The following ABHD2 variants were observed in gnomAD, a reference collection of about 807,000 sequenced individuals.
ABHD2 encodes monoacylglycerol lipase ABHD2.
A neutral mutation model predicts 48.1 loss-of-function variants in ABHD2; 20 were observed. That is an observed-to-expected ratio of 0.42 (90% CI 0.29 to 0.60). The LOEUF is 0.60. Ranked by LOEUF, ABHD2 falls within the 20% of genes least tolerant of loss-of-function variation. The pLI is 0.24. For synonymous variants in ABHD2, 209 were observed against 214.2 expected, an observed-to-expected ratio of 0.98 and a Z score of 0.21; for missense variants, 405 against 550.9, an observed-to-expected ratio of 0.74 and a Z score of 2.65.
In ABHD2 at chr15:89,188,405, A is replaced by G. The variant is rs113671610; in HGVS notation, c.926+102A>G. ...CACTAGTGTTTGCTCTGCCTACTTG[A>G]GTGTTAAGGGTGTTTTTTTCCCTTT... On this transcript the variant is annotated intron_variant, in intron 8 of 10. Coordinates refer to ENST00000352732, the MANE Select transcript of ABHD2 (RefSeq NM_152924.5). This position sits in a 1 kb window ranked among gnomAD's most constrained non-coding sequence, Gnocchi z 4.1. 1.0e-6 allele frequency: 1 copy of G among 979,220 alleles called. No individual in the cohort carries two copies. Among genetic ancestry groups the G allele is most frequent in the Non-Finnish European group, 1.6e-6 (1 of 640,602 alleles). The allele number at this position is 979,220 out of a possible 1,614,324, so 60.7% of individuals were successfully genotyped here. A position where few individuals can be genotyped will look rare whatever the true frequency, so the allele number is the denominator to read the frequency against.
In ABHD2 at chr15:89,183,368, C is replaced by CAAAAAAAA. The variant is rs1233981139; in HGVS notation, c.723-2046_723-2039dup. On this transcript the variant is annotated intron_variant, in intron 6 of 10. Coordinates refer to ENST00000352732, the MANE Select transcript of ABHD2 (RefSeq NM_152924.5). ...TGGTATTGAAGACATCAGTCCTTTT[C>CAAAAAAAA]AAAAAAAAAAAAAAAAATATATATA... 2.4e-3 allele frequency: 151 copies of CAAAAAAAA among 61,850 alleles called. 4 individuals carry two copies. Among genetic ancestry groups the CAAAAAAAA allele is most frequent in the Middle Eastern group, 0.012 (1 of 84 alleles). 3.8% of individuals were successfully genotyped at this position (61,850 alleles called of 1,614,324 possible).
At chr15:89,118,185 T>A (rs1255891290) in intron 3 of ABHD2, among the ~76,000 whole-genome samples, 2 of 152,102 alleles carry the variant, frequency 1.3e-5, no homozygotes, top group East Asian at 3.9e-4. Context: ...GTTTCTTTTT[T>A]TCTTTCTTTT....
chr15:89,048,119 G>A, the ABHD2 span, among the ~76,000 whole-genome samples: 3 of 150,678 alleles, frequency 2.0e-5, no homozygotes, highest in African/African-American at 7.4e-5. Flanking sequence ...CTCAGCATTT[G>A]CTTGTCTGTA....
At chr15:89,152,077 G>GTT (rs34458230) in intron 4 of ABHD2, among the ~76,000 whole-genome samples, 16 of 139,928 alleles carry the variant, frequency 1.1e-4, no homozygotes, top group South Asian at 2.3e-4. Context: ...TTGTAGAATA[G>GTT]TTTTTTTTTT....
chr15:89,172,415 C>T (rs1037628487), intron 5 of ABHD2, among the ~76,000 whole-genome samples: 2 of 152,222 alleles, frequency 1.3e-5, no homozygotes, highest in Non-Finnish European at 2.9e-5. Flanking sequence ...AGCATAATGT[C>T]CTCAAGGTTC....
chr15:89,042,618 A>G, the ABHD2 span, among the ~76,000 whole-genome samples: 9 of 86,236 alleles, frequency 1.0e-4, no homozygotes, highest in Non-Finnish European at 2.0e-4. Flanking sequence ...TTATTTATTT[A>G]TTTATTTATT....
At position 89,182,375 on chromosome 15, in the gene ABHD2, T is replaced by G. The variant is rs1248566551; in HGVS notation, c.723-3049T>G. 6.6e-6 allele frequency among the ~76,000 whole-genome samples: 1 copy of G among 152,164 alleles called. No homozygotes were observed. Among genetic ancestry groups the G allele is most frequent in the African/African-American group, 2.4e-5 (1 of 41,436 alleles). ...CCCCTCCCAGGGTTCCACACTTCTC[T>G]CCTGTGTCCTCAGCCAGTTTATCCT... is the stretch of plus-strand genomic sequence containing the variant. On this transcript the variant is annotated intron_variant, in intron 6 of 10. Transcript: ENST00000352732. This position sits in a 1 kb window ranked among gnomAD's most constrained non-coding sequence, Gnocchi z 4.8.
At chr15:89,126,460 G>T (rs1206948089) in intron 3 of ABHD2, among the ~76,000 whole-genome samples, 1 of 152,098 alleles carries the variant, frequency 6.6e-6, no homozygotes, top group African/African-American at 2.4e-5. Flanking sequence ...AGAAAGTCTC[G>T]AATTTCTAAG....
the ABHD2 span, among the ~76,000 whole-genome samples, chr15:89,048,479 A>G: frequency 3.9e-5 from 6 of 151,998 alleles, no homozygotes; most frequent in African/African-American, 1.4e-4. Context: ...CCTGGATAAT[A>G]TCCTGCAGAG....
the ABHD2 span, among the ~76,000 whole-genome samples, chr15:89,063,004 G>A: frequency 7.5e-6 from 1 of 132,870 alleles, no homozygotes; most frequent in Admixed American, 8.4e-5. Context: ...GTCTCACTCT[G>A]TCACCCAGTC....
chr15:89,076,739 C>G, the ABHD2 span, among the ~76,000 whole-genome samples: 1 of 152,230 alleles, frequency 6.6e-6, no homozygotes, highest in African/African-American at 2.4e-5. Flanking sequence ...TTGCCCCAGC[C>G]TTCCAAAGTG....
At chr15:89,055,035 C>T in the ABHD2 span, among the ~76,000 whole-genome samples, 3 of 151,852 alleles carry the variant, frequency 2.0e-5, no homozygotes, top group East Asian at 3.9e-4. Context: ...AGACCAGCCT[C>T]GGCAACCTAG....
the ABHD2 span, among the ~76,000 whole-genome samples, chr15:89,080,870 T>C: frequency 6.6e-6 from 1 of 152,030 alleles, no homozygotes; most frequent in Non-Finnish European, 1.5e-5. Flanking sequence ...CAAATTTTAC[T>C]CTTCTAGGCA....
the ABHD2 span, among the ~76,000 whole-genome samples, chr15:89,049,622 G>A: frequency 2.0e-5 from 3 of 152,210 alleles, no homozygotes; most frequent in African/African-American, 7.2e-5. Context: ...TCGGAAAAGC[G>A]CAGTATTCAG....
chr15:89,129,551 A>G (rs555941303), intron 3 of ABHD2, among the ~76,000 whole-genome samples: 1 of 152,168 alleles, frequency 6.6e-6, no homozygotes, highest in Non-Finnish European at 1.5e-5. Context: ...GAGAAAGCCA[A>G]ATTGATTGAA....
chr15:89,044,990 C>A, the ABHD2 span, among the ~76,000 whole-genome samples: 3 of 151,596 alleles, frequency 2.0e-5, no homozygotes, highest in South Asian at 2.1e-4. Flanking sequence ...ATGCCTATGT[C>A]CTGAATGGTA....
At position 89,165,468 on chromosome 15, in the gene ABHD2, T is replaced by C. The variant is rs80108901; in HGVS notation, c.538+9934T>C. Among the ~76,000 whole-genome samples the C allele has an allele frequency of 2.5e-3, 379 of 152,240 alleles. 1 individual carries two copies. The highest frequency in any genetic ancestry group is 8.7e-3 in the African/African-American group (361 of 41,540). ...TTACCAAACTGTCTTAAATTTCTTATTGTGCCAAGCGAGGTGGCATGCACT... is the reference window on the plus strand; with the variant it reads ...TTACCAAACTGTCTTAAATTTCTTACTGTGCCAAGCGAGGTGGCATGCACT... On this transcript the variant is annotated intron_variant, in intron 5 of 10. Transcript: ENST00000352732.
At chr15:89,072,135 TGAG>T in the ABHD2 span, among the ~76,000 whole-genome samples, 4 of 152,092 alleles carry the variant, frequency 2.6e-5, no homozygotes, top group African/African-American at 9.7e-5. Flanking sequence ...GGTCACAGAA[TGAG>T]GAGGAAGATA....
chr15:89,126,096 G>A lies in ABHD2; in HGVS notation c.194+9575G>A, dbSNP rs139402783. Among the ~76,000 whole-genome samples the A allele has an allele frequency of 3.1e-3, 465 of 152,230 alleles. 7 individuals carry two copies. Among genetic ancestry groups the A allele is most frequent in the African/African-American group, 0.011 (443 of 41,516 alleles). ...ATACCGCCCTATTCATCATACCTGA[G>A]TTTACTCTTCAGGGCCCTACTATGT... is the stretch of plus-strand genomic sequence containing the variant. On this transcript the variant is annotated intron_variant, in intron 3 of 10. Transcript: ENST00000352732.
Sources: allele counts gnomAD v4.1 joint callset (sites outside exome capture counted in the v4.1 genomes callset), GRCh38; gene constraint gnomAD v4.1.1; non-coding constraint Gnocchi (gnomAD v3.1); transcripts MANE v1.5; gene names NCBI Gene and HGNC (gene_info 2026-07-23, HGNC 2026-07-21).